Variants in CSF2RA observed in about 807,000 individuals in gnomAD.
CSF2RA encodes the protein colony stimulating factor 2 receptor subunit alpha.
In CSF2RA, 42 loss-of-function variants were observed where a neutral mutation model predicts 51.6. The observed-to-expected ratio is 0.81, with a 90% CI of 0.64 to 1.05. The LOEUF (loss-of-function observed/expected upper bound fraction) is 1.05. Ranked by LOEUF, CSF2RA falls within the 50% of genes least tolerant of loss-of-function variation. The probability of loss-of-function intolerance (pLI) is 0.00; values close to 1 mark genes in which losing one functional copy is unlikely to be tolerated. For synonymous variants in CSF2RA, 222 were observed against 193.0 expected, an observed-to-expected ratio of 1.15 and a Z score of -1.24; for missense variants, 530 against 501.1, an observed-to-expected ratio of 1.06 and a Z score of -0.55.
the CSF2RA span, among the ~76,000 whole-genome samples, chrX:1,323,897 C>A: frequency 6.6e-6 from 1 of 151,926 alleles, no homozygotes; most frequent in Non-Finnish European, 1.5e-5. Context: ...GCCTGTAGTC[C>A]CAGCTACTCG....
At chrX:1,285,701 CAAAAAAAAAAA>C (rs374606414) in intron 3 of CSF2RA, 66 bp from the exon 4 acceptor site, 8,894 of 871,584 alleles carry the variant, frequency 0.01, 33 homozygotes, top group Non-Finnish European at 0.012. Context: ...GACTCCGTCT[CAAAAAAAAAAA>C]AAAAAAAAAA....
At position 1,285,833 on chromosome X, in the gene CSF2RA, G is replaced by T. The variant is rs184550681; in HGVS notation, c.132G>T (p.Thr44=). The change falls in exon 4 of 13, where the codon ACG becomes ACT. Residue 44 remains threonine, a synonymous_variant. Coordinates refer to ENST00000381529, the MANE Select transcript of CSF2RA (RefSeq NM_172245.4). ...TCAATGTGAGGTTTGACTCCAGGAC[G>T]ATGAATTTAAGCTGGGACTGCCAAG... ...SSLNVRFDSR[T]MNLSWDCQEN... is the part of the protein sequence containing the mutation. The T allele has an allele frequency of 3.7e-6, 6 of 1,613,362 alleles. No individual in the cohort carries two copies. In the Admixed American group the frequency reaches 1.0e-4, roughly 27 times the overall value.
At chrX:1,273,761 T>TTG (rs2088778235) in intron 1 of CSF2RA, among the ~76,000 whole-genome samples, 7 of 62,636 alleles carry the variant, frequency 1.1e-4, no homozygotes, top group Admixed American at 1.8e-4. Flanking sequence ...TTTTTTTTTT[T>TTG]TTTGTATTTT....
intron 9 of CSF2RA, among the ~76,000 whole-genome samples, chrX:1,299,811 G>A (rs2092251106): frequency 6.6e-6 from 1 of 152,112 alleles, no homozygotes; most frequent in South Asian, 2.1e-4. Context: ...CCAGCTACGT[G>A]GGAGGCTGAG....
the CSF2RA span, among the ~76,000 whole-genome samples, chrX:1,322,435 G>GTTT: frequency 2.5e-5 from 2 of 78,638 alleles, no homozygotes; most frequent in Non-Finnish European, 2.5e-5. Context: ...AACTGTGTGT[G>GTTT]TTTGTTTTTT....
intron 7 of CSF2RA, among the ~76,000 whole-genome samples, chrX:1,291,315 TTTCC>T (rs1191152641): frequency 6.6e-5 from 9 of 135,888 alleles, no homozygotes; most frequent in Admixed American, 2.2e-4. Context: ...CCCTCCCTCC[TTTCC>T]TTCCTTCCTT....
intron 4 of CSF2RA, chrX:1,287,264 C>G (rs1200382407): frequency 2.6e-5 from 4 of 151,012 alleles, no homozygotes; most frequent in African/African-American, 9.8e-5. Flanking sequence ...AGCGATTCTC[C>G]TATCTCAGCC....
intron 4 of CSF2RA, 125 bp downstream of exon 4, chrX:1,286,045 G>A: frequency 4.0e-6 from 4 of 1,011,074 alleles, no homozygotes; most frequent in Non-Finnish European, 6.3e-6. Context: ...GGCTGAGGTG[G>A]GCGGATCACC....
intron 4 of CSF2RA, 42 bp from the exon 5 acceptor site, chrX:1,288,477 A>T (rs1337975672): frequency 6.2e-7 from 1 of 1,613,520 alleles, no homozygotes; most frequent in Admixed American, 1.7e-5. Context: ...AGGAGACAGA[A>T]GGTTGTTTCC....
rs1418959246 is a variant in CSF2RA, at chrX:1,303,917, C to G, written c.947-6C>G. 1 of 1,609,092 alleles carries G rather than the reference C, an allele frequency of 6.2e-7. No homozygotes were observed. The highest frequency in any genetic ancestry group is 8.5e-7 in the Non-Finnish European group (1 of 1,175,656). On this transcript the variant is annotated splice_polypyrimidine_tract_variant and splice_region_variant and intron_variant, in intron 10 of 12. Coordinates refer to ENST00000381529, the MANE Select transcript of CSF2RA (RefSeq NM_172245.4). ...ACCGCAGACGCAAACCTGTGTGTCT[C>G]TCCAGGTTCTGACGACGGGAACCTC...
chrX:1,313,373 G>T (rs1198747132), downstream of CSF2RA, among the ~76,000 whole-genome samples: 1 of 152,164 alleles, frequency 6.6e-6, no homozygotes, highest in Non-Finnish European at 1.5e-5. Flanking sequence ...GGCAGAGGTT[G>T]CAGTGAGCCA....
At chrX:1,296,126 C>A (rs1220962372) in intron 9 of CSF2RA, among the ~76,000 whole-genome samples, 6 of 151,524 alleles carry the variant, frequency 4.0e-5, no homozygotes, top group Non-Finnish European at 7.4e-5. Flanking sequence ...CATAAACCTA[C>A]AGTCCCCTAC....
chrX:1,289,083 TC>T, intron 6 of CSF2RA, 195 bp downstream of exon 6: 1 of 673,986 alleles, frequency 1.5e-6, no homozygotes, highest in Non-Finnish European at 2.5e-6. Context: ...TGCCTCAGCT[TC>T]CCAGGTAGCT....
chrX:1,269,419 G>C (rs1306298626), intron 1 of CSF2RA, among the ~76,000 whole-genome samples: 1 of 151,594 alleles, frequency 6.6e-6, no homozygotes, highest in Admixed American at 6.6e-5. Flanking sequence ...TCGACAGTTC[G>C]AGACCATCCT....
downstream of CSF2RA, among the ~76,000 whole-genome samples, chrX:1,315,269 G>C (rs1424733666): frequency 6.6e-6 from 1 of 151,836 alleles, no homozygotes; most frequent in African/African-American, 2.4e-5. Flanking sequence ...ATATATAGAA[G>C]ACAGATAGAT....
chrX:1,281,036 C>G (rs1176292592), intron 2 of CSF2RA, among the ~76,000 whole-genome samples: 1 of 63,614 alleles, frequency 1.6e-5, no homozygotes, highest in Non-Finnish European at 3.6e-5. Context: ...TCCTCCTCCT[C>G]ATTCTCCTCC....
chrX:1,309,623 A>G lies in CSF2RA; in HGVS notation c.*144A>G, dbSNP rs190582161. 1.6e-3 allele frequency: 2,606 copies of G among 1,597,716 alleles called. 86 individuals are homozygous for G. In the Admixed American group the frequency reaches 0.04, roughly 25 times the overall value. Reference sequence around the variant, plus strand: ...CATTTGGGGCCAGGCGCGGTGGCTCACGCCTGTAATCCCAGCACTTTGGGA... The same window carrying G: ...CATTTGGGGCCAGGCGCGGTGGCTCGCGCCTGTAATCCCAGCACTTTGGGA... On this transcript the variant is annotated 3_prime_UTR_variant, in exon 13 of 13. Coordinates refer to ENST00000381529, the MANE Select transcript of CSF2RA (RefSeq NM_172245.4).
chrX:1,314,259 ACCCCAC>A (rs2084325267), downstream of CSF2RA, among the ~76,000 whole-genome samples: 2 of 61,834 alleles, frequency 3.2e-5, no homozygotes, highest in Non-Finnish European at 7.3e-5. Context: ...CACCTGCCCA[ACCCCAC>A]TGCGCCTGCC....
chrX:1,309,484 C>T lies in CSF2RA; in HGVS notation c.*5C>T, dbSNP rs1458934313. On this transcript the variant is annotated 3_prime_UTR_variant, in exon 13 of 13. Transcript: ENST00000381529. ...ACCGTGAAGGAAATTACCTGAGACC[C>T]AGAGGGTGTAGGAATGGCATGGACA... 2 of 1,613,874 alleles carry T rather than the reference C, an allele frequency of 1.2e-6. No individual in the cohort carries two copies. Among genetic ancestry groups the T allele is most frequent in the African/African-American group, 2.7e-5 (2 of 74,930 alleles).
Sources: gnomAD v4.1 joint callset for allele counts (sites outside exome capture counted in the v4.1 genomes callset) on GRCh38, gnomAD v4.1.1 for gene constraint, MANE v1.5 for transcripts, NCBI Gene and HGNC (gene_info 2026-07-23, HGNC 2026-07-21) for gene names.